SLC35F5: variants seen among roughly 807,000 people sequenced by gnomAD.
SLC35F5 encodes the protein HCV NS5A-transactivated protein 3.
Under a neutral mutation model 68.6 loss-of-function variants are expected in SLC35F5, and 54 were observed. That is an observed-to-expected ratio of 0.79 (90% CI 0.63 to 0.99). The LOEUF is 0.99. SLC35F5 is among the 50% of genes least tolerant of loss of function. SLC35F5 has a pLI of 0.00. For synonymous variants in SLC35F5, 211 were observed against 205.2 expected (o/e 1.03, Z -0.24); for missense variants, 567 against 626.9 (o/e 0.90, Z 1.02).
At chr2:113,750,961 A>G (rs922174753) in intron 3 of SLC35F5, among the ~76,000 whole-genome samples, 2 of 152,230 alleles carry the variant, frequency 1.3e-5, no homozygotes, top group Non-Finnish European at 2.9e-5. Context: ...CCTGGGCAAC[A>G]TGGCAAAACT....
intron 11 of SLC35F5, 35 bp from the exon 12 acceptor site, chr2:113,725,572 G>C (rs772514112): frequency 3.3e-6 from 5 of 1,513,752 alleles, no homozygotes; most frequent in Middle Eastern, 4.0e-4. Flanking sequence ...AGTTAAAATT[G>C]ATTTATTTCT....
At chr2:113,738,788 T>C (rs1688183421) in intron 7 of SLC35F5, among the ~76,000 whole-genome samples, 1 of 152,142 alleles carries the variant, frequency 6.6e-6, no homozygotes, top group Non-Finnish European at 1.5e-5. Context: ...TACTGAGCAA[T>C]TGAAATTGGC....
chr2:113,729,912 T>C (rs1421021557), intron 10 of SLC35F5, among the ~76,000 whole-genome samples: 1 of 152,194 alleles, frequency 6.6e-6, no homozygotes, highest in African/African-American at 2.4e-5. Flanking sequence ...ACTAAGCTGT[T>C]GCTTGTATTG....
At chr2:113,728,671 C>A (rs1156884605) in intron 11 of SLC35F5, among the ~76,000 whole-genome samples, 2 of 152,216 alleles carry the variant, frequency 1.3e-5, no homozygotes, top group African/African-American at 4.8e-5. Context: ...AAAGTTACAA[C>A]AGCTGGATTC....
intron 5 of SLC35F5, 113 bp from the exon 6 acceptor site, chr2:113,743,907 C>T: frequency 1.3e-6 from 1 of 768,418 alleles, no homozygotes; most frequent in Non-Finnish European, 2.0e-6. Flanking sequence ...GGTTGTTCAC[C>T]ACCAAGTTTA....
At chr2:113,735,173 A>G (rs1688038390) in intron 8 of SLC35F5, among the ~76,000 whole-genome samples, 1 of 152,214 alleles carries the variant, frequency 6.6e-6, no homozygotes, top group African/African-American at 2.4e-5. Context: ...AAAGGCAACT[A>G]CAATACAAAA....
intron 5 of SLC35F5, among the ~76,000 whole-genome samples, chr2:113,745,323 T>TA (rs1321169589): frequency 6.6e-6 from 1 of 152,192 alleles, no homozygotes. Context: ...ATCGCAGTTC[T>TA]AAAAAACAGA....
chr2:113,723,320 G>T, intron 12 of SLC35F5, 126 bp from the exon 13 acceptor site: 2 of 438,390 alleles, frequency 4.6e-6, no homozygotes, highest in Non-Finnish European at 7.9e-6. Context: ...GGCTAGGATG[G>T]ATTGAAACAT....
At chr2:113,704,048 C>A (rs1444984805), downstream of SLC35F5, 1 of 152,342 alleles carries the variant, frequency 6.6e-6, no homozygotes, top group Non-Finnish European at 1.5e-5. Context: ...AGCTGCGGAC[C>A]TTCACCGTGA....
chr2:113,749,413 C>T (rs1471283084), intron 4 of SLC35F5, among the ~76,000 whole-genome samples: 1 of 152,198 alleles, frequency 6.6e-6, no homozygotes, highest in African/African-American at 2.4e-5. Context: ...GGCAAGTAGA[C>T]TGCTTGAGCC....
intron 1 of SLC35F5, 40 bp from the exon 2 acceptor site, chr2:113,755,584 A>G (rs1255013172): frequency 6.5e-7 from 1 of 1,544,794 alleles, no homozygotes; most frequent in East Asian, 2.2e-5. Flanking sequence ...AAACGTGAAT[A>G]ACTCAAGGTA....
intron 10 of SLC35F5, 99 bp downstream of exon 10, chr2:113,731,485 G>T: frequency 1.3e-6 from 1 of 788,504 alleles, no homozygotes; most frequent in Non-Finnish European, 2.1e-6. Flanking sequence ...AACCCACCCT[G>T]CTAGTGCCTA....
chr2:113,752,070 G>C (rs1009324646), intron 3 of SLC35F5, among the ~76,000 whole-genome samples: 1 of 151,918 alleles, frequency 6.6e-6, no homozygotes, highest in African/African-American at 2.4e-5. Context: ...AAATTAGCTG[G>C]GCGTGGTGGC....
chr2:113,725,690 G>T, intron 11 of SLC35F5, 153 bp from the exon 12 acceptor site: 1 of 606,342 alleles, frequency 1.6e-6, no homozygotes, highest in Non-Finnish European at 2.8e-6. Flanking sequence ...AGTCAGTCCT[G>T]TGAATAGCTC....
rs1399318089 is a variant in SLC35F5 at position 113,711,728 on chromosome 2, T to C, written c.*3490A>G. On this transcript the variant is annotated 3_prime_UTR_variant, in exon 16 of 16. Coordinates refer to ENST00000245680, the MANE Select transcript of SLC35F5 (RefSeq NM_025181.5). ...TATCTGCAGATGTTACAGGTAATTA[T>C]TTCTGTTAACTCCTCCTAAAATATT... 2.0e-5 allele frequency among the ~76,000 whole-genome samples: 3 copies of C among 152,242 alleles called. No homozygotes were observed. Among genetic ancestry groups the C allele is most frequent in the African/African-American group, 7.2e-5 (3 of 41,458 alleles).
chr2:113,744,872 GGTA>G (rs1676425595), intron 5 of SLC35F5, among the ~76,000 whole-genome samples: 1 of 152,136 alleles, frequency 6.6e-6, no homozygotes, highest in Non-Finnish European at 1.5e-5. Flanking sequence ...CATATTTTTA[GGTA>G]GTTATAAATT....
intron 14 of SLC35F5, 146 bp downstream of exon 14, chr2:113,719,008 T>A: frequency 1.7e-6 from 1 of 585,286 alleles, no homozygotes; most frequent in East Asian, 3.4e-5. Context: ...TCTAAACCAA[T>A]TATTTTATTT....
At chr2:113,729,673 A>C (rs1277743540) in intron 10 of SLC35F5, among the ~76,000 whole-genome samples, 168 bp from the exon 11 acceptor site, 2 of 152,216 alleles carry the variant, frequency 1.3e-5, no homozygotes, top group African/African-American at 4.8e-5. Context: ...GAAAAGGTAT[A>C]GCCTACCCCA....
Position 113,743,515 on chromosome 2 carries a change from T to C in SLC35F5, c.562+198A>G, listed in dbSNP as rs533514440. On this transcript the variant is annotated intron_variant, in intron 6 of 15. Transcript: ENST00000245680. ...ATAGAGATTTATGGTATTTGGAAAT[T>C]ATTTCCAGTTGAAATAATACAAAAA... 1.2e-4 allele frequency among the ~76,000 whole-genome samples: 18 copies of C among 152,324 alleles called. No homozygotes were observed. In the South Asian group the frequency reaches 3.3e-3, roughly 28 times the overall value.
Sources: gnomAD v4.1 joint callset for allele counts (sites outside exome capture counted in the v4.1 genomes callset) on GRCh38, gnomAD v4.1.1 for gene constraint, MANE v1.5 for transcripts, NCBI Gene and HGNC (gene_info 2026-07-23, HGNC 2026-07-21) for gene names.